The following UTRN variants were observed in gnomAD, a reference collection of about 807,000 sequenced individuals.
UTRN encodes the protein dystrophin-related protein 1.
UTRN carries 283 observed loss-of-function variants against 463.9 expected under a neutral mutation model. The observed-to-expected ratio is 0.61, with a 90% CI of 0.55 to 0.67. The LOEUF is 0.67. UTRN is among the 30% of genes least tolerant of loss of function. The probability of loss-of-function intolerance (pLI) is 0.00; values close to 1 mark genes in which losing one functional copy is unlikely to be tolerated. For missense variants in UTRN, 3,922 were observed against 4,084.3 expected (o/e 0.96, Z 1.08); for synonymous variants, 1,442 against 1,431.5 (o/e 1.01, Z -0.17).
intron 51 of UTRN, among the ~76,000 whole-genome samples, chr6:144,666,336 TC>T (rs146269904): frequency 6.6e-6 from 1 of 152,164 alleles, no homozygotes; most frequent in Non-Finnish European, 1.5e-5. Flanking sequence ...TATTTTAAGT[TC>T]CCCCATTAAA....
intron 2 of UTRN, among the ~76,000 whole-genome samples, chr6:144,365,221 TA>T (rs1350510718): frequency 6.6e-6 from 1 of 152,228 alleles, no homozygotes; most frequent in East Asian, 1.9e-4. Context: ...TCTCCTGAAA[TA>T]AATTTCATGC....
chr6:144,618,618 C>G (rs532249369), intron 51 of UTRN, among the ~76,000 whole-genome samples: 66 of 152,082 alleles, frequency 4.3e-4, no homozygotes, highest in South Asian at 3.3e-3. Flanking sequence ...AAAATGAGCC[C>G]CATTTTAATT....
chr6:144,362,290 C>T (rs1017053085), intron 2 of UTRN, among the ~76,000 whole-genome samples: 4 of 152,168 alleles, frequency 2.6e-5, no homozygotes, highest in African/African-American at 9.7e-5. Flanking sequence ...CGGTGGCACC[C>T]AGTGACCTGT....
At chr6:144,544,270 G>A (rs999639656) in intron 46 of UTRN, among the ~76,000 whole-genome samples, 1 of 151,996 alleles carries the variant, frequency 6.6e-6, no homozygotes, top group Non-Finnish European at 1.5e-5. Context: ...ATTTTATTTA[G>A]AAAATAAAAT....
rs1277130094 is a variant in UTRN, at chr6:144,437,510, C to T, written c.1060-55C>T. The T allele has an allele frequency of 4.8e-6, 7 of 1,450,026 alleles. No individual in the cohort carries two copies. The African/African-American group carries it at 5.8e-5, about 12-fold the overall frequency. The allele number at this position is 1,450,026 out of a possible 1,614,324, so 89.8% of individuals were successfully genotyped here. A position where few individuals can be genotyped will look rare whatever the true frequency, so the allele number is the denominator to read the frequency against. ...AGGCATTAGCAATTTGTTCAGTCTT[C>T]CTTTTTTTTTTTTGCACTGAGTAGC... On this transcript the variant is annotated intron_variant, in intron 10 of 74. Transcript: ENST00000367545.
intron 52 of UTRN, among the ~76,000 whole-genome samples, chr6:144,686,159 T>G (rs1344343712): frequency 6.6e-6 from 1 of 152,182 alleles, no homozygotes; most frequent in African/African-American, 2.4e-5. Flanking sequence ...AGCATGTCCT[T>G]TTTCCAATTT....
At position 144,711,801 on chromosome 6, in the gene UTRN, T is replaced by A. The variant is rs549452249; in HGVS notation, c.7809+11558T>A. On this transcript the variant is annotated intron_variant, in intron 53 of 74. Transcript: ENST00000367545. ...CTTTCCCTCAGGGCTACTCTGGCCT[T>A]TGCTTAACCCAGTTTATTTCCTATA... is the stretch of plus-strand genomic sequence containing the variant. Among the ~76,000 whole-genome samples, 79 of 152,350 alleles carry A rather than the reference T, an allele frequency of 5.2e-4. 2 individuals carry two copies. The highest frequency in any genetic ancestry group is 1.8e-3 in the African/African-American group (75 of 41,588).
intron 65 of UTRN, among the ~76,000 whole-genome samples, chr6:144,814,650 A>G (rs535737688): frequency 2.3e-4 from 35 of 152,344 alleles, no homozygotes; most frequent in African/African-American, 7.2e-4. Context: ...CAAATAAAGC[A>G]TGCCAGTGTA....
At chr6:144,300,929 T>C (rs565200220) in intron 2 of UTRN, among the ~76,000 whole-genome samples, 4 of 152,256 alleles carry the variant, frequency 2.6e-5, no homozygotes, top group Admixed American at 6.5e-5. Context: ...GTGATTGTTA[T>C]ATTGCCAGTT....
intron 69 of UTRN, among the ~76,000 whole-genome samples, chr6:144,835,047 C>T (rs914976461): frequency 2.2e-4 from 33 of 152,148 alleles, no homozygotes; most frequent in African/African-American, 7.7e-4. Flanking sequence ...TAAGAAATTC[C>T]GAGTCTGCTA....
intron 58 of UTRN, 61 bp from the exon 59 acceptor site, chr6:144,771,846 T>C (rs1794060499): frequency 3.6e-6 from 5 of 1,375,062 alleles, no homozygotes; most frequent in Non-Finnish European, 4.0e-6. Context: ...ATTTCGTTTT[T>C]GGCCTATATG....
At chr6:144,601,661 GATTTAGA>G (rs1804265493) in intron 51 of UTRN, among the ~76,000 whole-genome samples, 1 of 152,228 alleles carries the variant, frequency 6.6e-6, no homozygotes, top group Admixed American at 6.5e-5. Flanking sequence ...GACAATGACA[GATTTAGA>G]ATACTACACA....
intron 4 of UTRN, among the ~76,000 whole-genome samples, chr6:144,423,215 A>G (rs1398397581): frequency 6.6e-6 from 1 of 152,188 alleles, no homozygotes; most frequent in Non-Finnish European, 1.5e-5. Flanking sequence ...GCAATCTTTT[A>G]AAAATCCCAA....
chr6:144,563,987 C>T (rs891010772), intron 50 of UTRN, among the ~76,000 whole-genome samples: 1 of 152,106 alleles, frequency 6.6e-6, no homozygotes, highest in Admixed American at 6.6e-5. Context: ...TGCCCACAGT[C>T]TTTGTTTTTG....
chr6:144,642,046 C>G (rs1777824753), intron 51 of UTRN, among the ~76,000 whole-genome samples: 1 of 152,118 alleles, frequency 6.6e-6, no homozygotes, highest in South Asian at 2.1e-4. Context: ...GAGTGTATGT[C>G]CCTTTTTGAA....
intron 17 of UTRN, among the ~76,000 whole-genome samples, chr6:144,451,071 C>T (rs894700121): frequency 3.3e-5 from 5 of 152,170 alleles, no homozygotes; most frequent in African/African-American, 1.2e-4. Context: ...GAGATCGTGC[C>T]ATTGCACTCA....
Position 144,461,869 on chromosome 6 carries a change from A to AT in UTRN, c.2853+534dup, listed in dbSNP as rs572736953. On this transcript the variant is annotated intron_variant, in intron 22 of 74. Coordinates refer to ENST00000367545, the MANE Select transcript of UTRN (RefSeq NM_007124.3). Reference sequence around the variant, plus strand: ...AGCTTTAATTTTTATGATTATGCCTATTTTTTTCATGAGTTTTTCATGTTT... The same window carrying AT: ...AGCTTTAATTTTTATGATTATGCCTATTTTTTTTCATGAGTTTTTCATGTTT... Among the ~76,000 whole-genome samples the AT allele has an allele frequency of 1.8e-3, 279 of 151,972 alleles. 2 individuals are homozygous for AT. Among genetic ancestry groups the AT allele is most frequent in the African/African-American group, 6.5e-3 (271 of 41,438 alleles).
At chr6:144,374,573 T>C (rs576906076) in intron 2 of UTRN, among the ~76,000 whole-genome samples, 10 of 151,260 alleles carry the variant, frequency 6.6e-5, no homozygotes, top group African/African-American at 2.4e-4. Flanking sequence ...AACCTCCGCC[T>C]CCCGGGCTCA....
chr6:144,335,140 T>C (rs1025796357), intron 2 of UTRN, among the ~76,000 whole-genome samples: 5 of 152,196 alleles, frequency 3.3e-5, no homozygotes, highest in African/African-American at 1.2e-4. Context: ...CTTTTATAGA[T>C]AGACAGATTT....
Sources: gnomAD v4.1 joint callset for allele counts (sites outside exome capture counted in the v4.1 genomes callset) on GRCh38, gnomAD v4.1.1 for gene constraint, MANE v1.5 for transcripts, NCBI Gene and HGNC (gene_info 2026-07-23, HGNC 2026-07-21) for gene names.